Variants in DLG2 observed in about 807,000 individuals in gnomAD.
The protein encoded by DLG2 is discs large MAGUK scaffold protein 2.
A neutral mutation model predicts 132.5 loss-of-function variants in DLG2; 45 were observed. That is an observed-to-expected ratio of 0.34 (90% confidence interval 0.27 to 0.44). The LOEUF is 0.44. DLG2 is among the 20% of genes least tolerant of loss of function. DLG2 has a pLI of 1.00. For missense variants in DLG2, 1,045 were observed against 1,196.9 expected (o/e 0.87, Z 1.87); for synonymous variants, 424 against 419.6 (o/e 1.01, Z -0.13).
intron 6 of DLG2, among the ~76,000 whole-genome samples, chr11:84,903,372 G>C (rs1271089375): frequency 6.6e-6 from 1 of 152,078 alleles, no homozygotes; most frequent in Non-Finnish European, 1.5e-5. Context: ...AATTCTTTAA[G>C]AGTTGAAAAT....
chr11:83,584,128 GTC>G (rs1479500743), intron 19 of DLG2, among the ~76,000 whole-genome samples: 1 of 152,066 alleles, frequency 6.6e-6, no homozygotes, highest in East Asian at 1.9e-4. Context: ...AGCAAACCAG[GTC>G]TCTGTTTCCT....
chr11:83,615,999 C>G (rs1049064318), intron 19 of DLG2, among the ~76,000 whole-genome samples: 1 of 152,024 alleles, frequency 6.6e-6, no homozygotes, highest in Non-Finnish European at 1.5e-5. Flanking sequence ...AACTAATATG[C>G]ATATAGTAGT....
At chr11:84,469,610 ACTT>A (rs2099103435) in intron 7 of DLG2, among the ~76,000 whole-genome samples, 1 of 151,588 alleles carries the variant, frequency 6.6e-6, no homozygotes, top group Non-Finnish European at 1.5e-5. Flanking sequence ...TTTATCCAGT[ACTT>A]CTGCTAGATT....
At chr11:85,065,041 T>G (rs1487121809) in intron 6 of DLG2, among the ~76,000 whole-genome samples, 1 of 151,328 alleles carries the variant, frequency 6.6e-6, no homozygotes, top group Non-Finnish European at 1.5e-5. Context: ...AGGGGTGGAG[T>G]CAATTAGTAC....
intron 3 of DLG2, among the ~76,000 whole-genome samples, chr11:85,442,375 A>T (rs1193390601): frequency 3.3e-5 from 5 of 152,186 alleles, no homozygotes; most frequent in African/African-American, 9.6e-5. Context: ...ATATACAAGA[A>T]GTATAAATAT....
At chr11:83,816,672 A>G (rs1398055297) in intron 17 of DLG2, among the ~76,000 whole-genome samples, 1 of 152,208 alleles carries the variant, frequency 6.6e-6, no homozygotes. Flanking sequence ...CACAGCCTAC[A>G]GGTCCTATAA....
At chr11:85,585,678 ATT>A (rs1358854913) in intron 3 of DLG2, among the ~76,000 whole-genome samples, 1 of 149,418 alleles carries the variant, frequency 6.7e-6, no homozygotes, top group Non-Finnish European at 1.5e-5. Context: ...TGATCATGTG[ATT>A]TTTGTTTTTA....
chr11:83,724,888 A>T, intron 18 of DLG2: 1 of 702,522 alleles, frequency 1.4e-6, no homozygotes, highest in East Asian at 2.7e-5. Context: ...AGGGGTTTTC[A>T]GCATAGCAGG....
chr11:84,630,505 A>G (rs2099629695), intron 6 of DLG2, among the ~76,000 whole-genome samples: 1 of 152,166 alleles, frequency 6.6e-6, no homozygotes, highest in Non-Finnish European at 1.5e-5. Context: ...TTATGTGACA[A>G]AAACAGTAAC....
intron 12 of DLG2, among the ~76,000 whole-genome samples, chr11:83,966,450 G>A (rs1394844963): frequency 1.3e-5 from 2 of 152,014 alleles, no homozygotes; most frequent in Admixed American, 6.6e-5. Flanking sequence ...TGATACAAAT[G>A]ATACACTGAC....
chr11:85,065,395 C>T (rs186248144), intron 6 of DLG2, among the ~76,000 whole-genome samples: 1 of 151,444 alleles, frequency 6.6e-6, no homozygotes, highest in African/African-American at 2.4e-5. Flanking sequence ...CCACTAGAAA[C>T]CCACAGGCAT....
intron 4 of DLG2, among the ~76,000 whole-genome samples, chr11:85,233,484 T>C (rs1025032106): frequency 6.6e-6 from 1 of 151,936 alleles, no homozygotes; most frequent in Non-Finnish European, 1.5e-5. Context: ...CAGCCATTAA[T>C]AACAAGAAGA....
At chr11:84,201,912 G>A (rs559478885) in intron 8 of DLG2, among the ~76,000 whole-genome samples, 81 of 132,046 alleles carry the variant, frequency 6.1e-4, no homozygotes, top group Admixed American at 7.4e-4. Context: ...TCCACCTCCC[G>A]GGTTCAAGCG....
intron 5 of DLG2, among the ~76,000 whole-genome samples, chr11:85,134,002 A>C (rs2075948131): frequency 6.6e-6 from 1 of 151,782 alleles, no homozygotes; most frequent in African/African-American, 2.4e-5. Context: ...CTCAGAAAGG[A>C]GAGAGGGGGT....
intron 3 of DLG2, among the ~76,000 whole-genome samples, chr11:85,352,932 G>A (rs1173786089): frequency 2.0e-5 from 3 of 152,112 alleles, no homozygotes; most frequent in African/African-American, 7.2e-5. Flanking sequence ...CATGTGCAAG[G>A]ACTTCATGTC....
At chr11:84,039,161 A>G (rs1443791247) in intron 11 of DLG2, among the ~76,000 whole-genome samples, 2 of 151,990 alleles carry the variant, frequency 1.3e-5, no homozygotes, top group Non-Finnish European at 2.9e-5. Flanking sequence ...TCAGTACTTT[A>G]AGTGCATTCA....
At chr11:84,376,879 T>A (rs1006478743) in intron 7 of DLG2, among the ~76,000 whole-genome samples, 1 of 152,084 alleles carries the variant, frequency 6.6e-6, no homozygotes, top group East Asian at 1.9e-4. Flanking sequence ...AATTTTCATC[T>A]GATAAATGTA....
intron 18 of DLG2, among the ~76,000 whole-genome samples, chr11:83,666,436 G>T (rs1003759746): frequency 6.6e-6 from 1 of 152,154 alleles, no homozygotes; most frequent in East Asian, 1.9e-4. Flanking sequence ...GGAGTGCAAA[G>T]CCTATTGTGA....
At chr11:84,720,170 G>C in intron 6 of DLG2, 5 of 777,432 alleles carry the variant, frequency 6.4e-6, no homozygotes, top group Non-Finnish European at 7.8e-6. Context: ...CTGGCTCCCA[G>C]AAAGAGCAGA....
Sources: gnomAD v4.1 joint callset for allele counts (sites outside exome capture counted in the v4.1 genomes callset) on GRCh38, gnomAD v4.1.1 for gene constraint, MANE v1.5 for transcripts, NCBI Gene and HGNC (gene_info 2026-07-23, HGNC 2026-07-21) for gene names.